Variants in CSMD1 observed in about 807,000 individuals in gnomAD.
The protein encoded by CSMD1 is CUB and Sushi multiple domains 1, also known as CUB and sushi domain-containing protein 1.
In CSMD1, 213 loss-of-function variants were observed where a neutral mutation model predicts 417.5. The observed-to-expected ratio is 0.51, with a 90% CI of 0.46 to 0.57. The LOEUF (loss-of-function observed/expected upper bound fraction) is 0.57, where lower values mean the gene tolerates loss of function less well. Among genes scored for constraint, CSMD1 ranks in the 20% least tolerant of loss-of-function variants. The probability of loss-of-function intolerance (pLI) is 0.00; values close to 1 mark genes in which losing one functional copy is unlikely to be tolerated. For missense variants in CSMD1, 6,923 were observed against 4,529.7 expected (o/e 1.53, Z -15.17); for synonymous variants, 2,862 against 1,736.8 (o/e 1.65, Z -16.11).
chr8:4,677,037 GAGAATTATATATAT>G (rs1363548003), intron 1 of CSMD1, among the ~76,000 whole-genome samples: 3 of 142,432 alleles, frequency 2.1e-5, no homozygotes, highest in Non-Finnish European at 4.6e-5. Context: ...TTTATATAGA[GAGAATTATATATAT>G]AGAATTATAT....
At chr8:4,791,011 C>A (rs1472982762) in intron 1 of CSMD1, among the ~76,000 whole-genome samples, 8 of 152,024 alleles carry the variant, frequency 5.3e-5, no homozygotes, top group African/African-American at 1.9e-4. Flanking sequence ...AAGTTCTGCA[C>A]TGCAAAATAA....
At chr8:3,680,668 C>A (rs1314400590) in intron 7 of CSMD1, among the ~76,000 whole-genome samples, 3 of 152,124 alleles carry the variant, frequency 2.0e-5, no homozygotes, top group Non-Finnish European at 4.4e-5. Context: ...AAAAGAGGGA[C>A]TCCTCCCTAA....
chr8:3,411,937 TATATGCAC>T (rs1812780235), intron 12 of CSMD1, among the ~76,000 whole-genome samples: 2 of 122,812 alleles, frequency 1.6e-5, no homozygotes, highest in African/African-American at 3.1e-5. Flanking sequence ...TATACACGTA[TATATGCAC>T]GTATATATAC....
intron 1 of CSMD1, among the ~76,000 whole-genome samples, chr8:4,887,000 T>A (rs1432713679): frequency 6.6e-6 from 1 of 152,072 alleles, no homozygotes; most frequent in Non-Finnish European, 1.5e-5. Flanking sequence ...TCTTATATAT[T>A]TCCTTCCTCT....
intron 7 of CSMD1, among the ~76,000 whole-genome samples, chr8:3,645,914 C>T (rs1797549372): frequency 1.3e-5 from 2 of 151,728 alleles, no homozygotes; most frequent in Admixed American, 6.6e-5. Context: ...TAAATGTTTC[C>T]CCTTTAACTC....
At chr8:3,299,121 T>C (rs1049574006) in intron 25 of CSMD1, among the ~76,000 whole-genome samples, 5 of 151,990 alleles carry the variant, frequency 3.3e-5, no homozygotes, top group African/African-American at 4.8e-5. Flanking sequence ...AAAGTCAAAA[T>C]GCCAGACACA....
intron 23 of CSMD1, among the ~76,000 whole-genome samples, chr8:3,329,967 T>C (rs1161765018): frequency 6.6e-6 from 1 of 152,152 alleles, no homozygotes; most frequent in Non-Finnish European, 1.5e-5. Flanking sequence ...AATCATCTAT[T>C]GATAGTTATA....
intron 8 of CSMD1, among the ~76,000 whole-genome samples, chr8:3,607,929 G>T (rs1229501533): frequency 6.6e-6 from 1 of 152,124 alleles, no homozygotes; most frequent in Non-Finnish European, 1.5e-5. Flanking sequence ...CAGCACTTTG[G>T]GAGGCCAAGG....
intron 1 of CSMD1, among the ~76,000 whole-genome samples, chr8:4,777,933 C>T (rs566302480): frequency 3.5e-4 from 54 of 152,246 alleles, no homozygotes; most frequent in South Asian, 2.7e-3. Flanking sequence ...CCCTATAATA[C>T]GGTTGTAGTA....
chr8:4,205,530 T>C (rs570489091), intron 3 of CSMD1, among the ~76,000 whole-genome samples: 2 of 152,300 alleles, frequency 1.3e-5, no homozygotes, highest in South Asian at 4.1e-4. Flanking sequence ...TTATGGATGA[T>C]GAAACTGACA....
At chr8:2,971,276 C>T (rs188983365) in intron 57 of CSMD1, among the ~76,000 whole-genome samples, 28 of 152,258 alleles carry the variant, frequency 1.8e-4, no homozygotes, top group Admixed American at 1.4e-3. Context: ...TCTACCATCT[C>T]GGTAACGCCT....
intron 5 of CSMD1, among the ~76,000 whole-genome samples, chr8:3,893,603 C>T (rs191629734): frequency 1.6e-4 from 25 of 151,918 alleles, no homozygotes; most frequent in Admixed American, 1.3e-4. Context: ...CCCATCTCCA[C>T]CATTAGAATC....
chr8:3,272,485 G>A (rs1260171310), intron 26 of CSMD1, among the ~76,000 whole-genome samples: 1 of 148,814 alleles, frequency 6.7e-6, no homozygotes, highest in East Asian at 2.0e-4. Flanking sequence ...TTGGTAACTT[G>A]AAGGGGATGG....
Position 4,026,957 on chromosome 8 carries a change from A to G in CSMD1, c.610+4948T>C, listed in dbSNP as rs1013750383. ...AAACAAACAAACAAACTGAAAACCT[A>G]CTTTGCAGTGTTTGCCAATTCTTAT... On this transcript the variant is annotated intron_variant, in intron 4 of 69. Transcript: ENST00000635120. Among the ~76,000 whole-genome samples, 4 of 152,138 alleles carry G rather than the reference A, an allele frequency of 2.6e-5. No individual in the cohort carries two copies. In the East Asian group the frequency reaches 5.8e-4, roughly 22 times the overall value.
At chr8:3,013,272 T>A (rs980349192) in intron 52 of CSMD1, among the ~76,000 whole-genome samples, 1 of 152,182 alleles carries the variant, frequency 6.6e-6, no homozygotes, top group Non-Finnish European at 1.5e-5. Context: ...CCCACCCACA[T>A]GTTCCTGATT....
At position 3,356,338 on chromosome 8, in the gene CSMD1, C is replaced by G. The variant is rs188071465; in HGVS notation, c.3304+2814G>C. ...ACACAGAACTTAGGGATGAGGCAGA[C>G]CACTGTAAAGGAGCCAGCAGTCTGA... On this transcript the variant is annotated intron_variant, in intron 21 of 69. Transcript: ENST00000635120. 1.7e-3 allele frequency among the ~76,000 whole-genome samples: 256 copies of G among 152,254 alleles called. 1 individual carries two copies. The highest frequency in any genetic ancestry group is 5.8e-3 in the African/African-American group (243 of 41,560).
chr8:4,441,614 T>C (rs1798487740), intron 2 of CSMD1, among the ~76,000 whole-genome samples: 2 of 152,184 alleles, frequency 1.3e-5, no homozygotes, highest in African/African-American at 4.8e-5. Context: ...ATGCTGAAGT[T>C]CTTCACCACC....
rs145578169 is a variant in CSMD1 at position 4,718,712 on chromosome 8, C to T, written c.86-81154G>A. 3.6e-3 allele frequency among the ~76,000 whole-genome samples: 546 copies of T among 151,976 alleles called. 2 individuals carry two copies. Among genetic ancestry groups the T allele is most frequent in the African/African-American group, 0.012 (504 of 41,486 alleles). Reference sequence around the variant, plus strand: ...CAATAGGTGACAGGAAGTAAATTATCATAAAAGACTAGTTTTTCTATTAAA... The same window carrying T: ...CAATAGGTGACAGGAAGTAAATTATTATAAAAGACTAGTTTTTCTATTAAA... On this transcript the variant is annotated intron_variant, in intron 1 of 69. Coordinates refer to ENST00000635120, the MANE Select transcript of CSMD1 (RefSeq NM_033225.6).
intron 23 of CSMD1, among the ~76,000 whole-genome samples, chr8:3,332,510 C>G (rs1249001584): frequency 2.0e-5 from 3 of 152,218 alleles, no homozygotes; most frequent in Admixed American, 6.5e-5. Flanking sequence ...ATGCCTGTGA[C>G]CATTCAGAAT....
Sources: gnomAD v4.1 joint callset for allele counts (sites outside exome capture counted in the v4.1 genomes callset) on GRCh38, gnomAD v4.1.1 for gene constraint, MANE v1.5 for transcripts, NCBI Gene and HGNC (gene_info 2026-07-23, HGNC 2026-07-21) for gene names.